The following BRINP2 variants were observed in gnomAD, a reference collection of about 807,000 sequenced individuals.
BRINP2 encodes BMP/retinoic acid-inducible neural-specific protein 2.
In BRINP2, 21 loss-of-function variants were observed where a neutral mutation model predicts 69.2. That is an observed-to-expected ratio of 0.30 (90% CI 0.22 to 0.44). BRINP2 has a LOEUF of 0.44. Ranked by LOEUF, BRINP2 falls within the 20% of genes least tolerant of loss-of-function variation. The probability of loss-of-function intolerance (pLI) is 1.00; values close to 1 mark genes in which losing one functional copy is unlikely to be tolerated. For synonymous variants in BRINP2, 380 were observed against 394.1 expected (o/e 0.96, Z 0.42); for missense variants, 877 against 986.0 (o/e 0.89, Z 1.48).
intron 1 of BRINP2, among the ~76,000 whole-genome samples, chr1:177,223,028 A>T (rs1263428771): frequency 6.6e-6 from 1 of 152,232 alleles, no homozygotes; most frequent in Non-Finnish European, 1.5e-5. Flanking sequence ...CAGCAGTGCC[A>T]TCTTTCTATT....
At chr1:177,187,254 C>A (rs762595735) in intron 1 of BRINP2, among the ~76,000 whole-genome samples, 66 of 152,168 alleles carry the variant, frequency 4.3e-4, no homozygotes, top group Admixed American at 5.9e-4. Context: ...CCCTGCCACA[C>A]CTAACAGAAA....
intron 1 of BRINP2, among the ~76,000 whole-genome samples, chr1:177,213,096 G>A (rs1480999871): frequency 6.6e-6 from 1 of 152,160 alleles, no homozygotes; most frequent in African/African-American, 2.4e-5. Context: ...TGTAATCTTT[G>A]ATCATTTGTT....
chr1:177,256,854 T>G, intron 3 of BRINP2: 10 of 1,180,562 alleles, frequency 8.5e-6, no homozygotes, highest in Non-Finnish European at 1.1e-5. Context: ...AGACTCCTCG[T>G]AAACAACTTG....
At chr1:177,217,869 A>G (rs1649422874) in intron 1 of BRINP2, among the ~76,000 whole-genome samples, 1 of 152,212 alleles carries the variant, frequency 6.6e-6, no homozygotes, top group African/African-American at 2.4e-5. Flanking sequence ...GGATGCTGCA[A>G]TCACATCTTG....
chr1:177,252,314 C>CTT (rs1383205944), intron 2 of BRINP2, among the ~76,000 whole-genome samples: 1 of 152,162 alleles, frequency 6.6e-6, no homozygotes, highest in Non-Finnish European at 1.5e-5. Flanking sequence ...ACCCGCTTTT[C>CTT]TTTGTTTCCC....
At chr1:177,271,371 G>T (rs972971772) in intron 4 of BRINP2, among the ~76,000 whole-genome samples, 1 of 152,140 alleles carries the variant, frequency 6.6e-6, no homozygotes, top group African/African-American at 2.4e-5. Flanking sequence ...TGGGTGGACT[G>T]GTCTGTTTAG....
At chr1:177,182,132 C>T (rs1313562178) in intron 1 of BRINP2, among the ~76,000 whole-genome samples, 1 of 145,240 alleles carries the variant, frequency 6.9e-6, no homozygotes, top group African/African-American at 2.6e-5. Flanking sequence ...CCACCCCTCC[C>T]ATCCTCCCTG....
At position 177,273,575 on chromosome 1, in the gene BRINP2, A is replaced by G; in HGVS notation, c.757A>G (p.Asn253Asp). The G allele has an allele frequency of 6.3e-7, 1 of 1,594,016 alleles. No individual in the cohort carries two copies. Among genetic ancestry groups the G allele is most frequent in the Non-Finnish European group, 8.6e-7 (1 of 1,169,432 alleles). Residue 253 changes from asparagine (N) to aspartate (D), a missense_variant, in exon 5 of 8, where the codon AAC becomes GAC. Around this residue, in one of 3 missense-constraint regions of BRINP2, gnomAD observed 566 missense variants for 625.2 expected, o/e 0.91. Transcript: ENST00000361539. ...TTCTGTCTTGGTACAGAGTCCAGAG[A>G]ACAAAGTACAGTTACTTGGTAAGCA... ...VSSVLVQSPE[N>D]KVQLLGLQVL...
Position 177,171,523 on chromosome 1 carries a change from A to T in BRINP2, c.-286A>T, listed in dbSNP as rs1403116883. ...GCGGGGAGCAAGAGAATTTGAAAAG[A>T]GACATCCGCTCCCTCTCACACGCTG... is the stretch of plus-strand genomic sequence containing the variant. On this transcript the variant is annotated 5_prime_UTR_variant, in exon 1 of 8. Transcript: ENST00000361539. 1 of 155,780 alleles carries T rather than the reference A, an allele frequency of 6.4e-6. No individual in the cohort carries two copies. The highest frequency in any genetic ancestry group is 2.4e-5 in the African/African-American group (1 of 41,488). The allele number at this position is 155,780 out of a possible 1,614,324, so 9.6% of individuals were successfully genotyped here.
At chr1:177,177,309 C>A (rs527942849) in intron 1 of BRINP2, among the ~76,000 whole-genome samples, 1 of 152,018 alleles carries the variant, frequency 6.6e-6, no homozygotes, top group African/African-American at 2.4e-5. Flanking sequence ...ACAACAACAA[C>A]AACAACAACA....
At position 177,281,603 on chromosome 1, in the gene BRINP2, C is replaced by T; in HGVS notation, c.*75C>T. ...GTACAAAGATAATCTAAGCCCTCAC[C>T]TTAGTGCCAACAGGGTGTGCTCCCA... On this transcript the variant is annotated 3_prime_UTR_variant, in exon 8 of 8. Coordinates refer to ENST00000361539, the MANE Select transcript of BRINP2 (RefSeq NM_021165.4). 6.7e-7 allele frequency: 1 copy of T among 1,492,942 alleles called. No homozygotes were observed. Among genetic ancestry groups the T allele is most frequent in the South Asian group, 1.3e-5 (1 of 75,076 alleles). 92.5% of individuals were successfully genotyped at this position (1,492,942 alleles called of 1,614,324 possible). A position where few individuals can be genotyped will look rare whatever the true frequency, so the allele number is the denominator to read the frequency against.
chr1:177,191,250 G>A (rs190598193), intron 1 of BRINP2, among the ~76,000 whole-genome samples: 1 of 152,206 alleles, frequency 6.6e-6, no homozygotes, highest in Non-Finnish European at 1.5e-5. Flanking sequence ...CTAAGTCTTG[G>A]TTTGGGAGTG....
intron 1 of BRINP2, among the ~76,000 whole-genome samples, chr1:177,211,874 T>C (rs911561619): frequency 1.3e-5 from 2 of 152,224 alleles, no homozygotes; most frequent in African/African-American, 4.8e-5. Context: ...TGGCAGTGAT[T>C]TATGTTTCTT....
chr1:177,184,800 C>A (rs1648380732), intron 1 of BRINP2, among the ~76,000 whole-genome samples: 1 of 152,026 alleles, frequency 6.6e-6, no homozygotes, highest in Admixed American at 6.6e-5. Context: ...ATATGGGTTA[C>A]TAGAAAGTTA....
chr1:177,188,504 G>T (rs908633307), intron 1 of BRINP2, among the ~76,000 whole-genome samples: 2 of 152,186 alleles, frequency 1.3e-5, no homozygotes, highest in Non-Finnish European at 2.9e-5. Flanking sequence ...GATTAAATGG[G>T]ATGGTCAGGG....
chr1:177,263,386 T>A (rs752897327), intron 4 of BRINP2, among the ~76,000 whole-genome samples: 2 of 152,108 alleles, frequency 1.3e-5, no homozygotes, highest in Admixed American at 6.5e-5. Context: ...AAGAGTCCAG[T>A]GGTTCTGGCT....
chr1:177,237,080 G>A (rs926593247), intron 2 of BRINP2, among the ~76,000 whole-genome samples: 3 of 152,158 alleles, frequency 2.0e-5, no homozygotes, highest in Non-Finnish European at 4.4e-5. Flanking sequence ...CTCAACTGGT[G>A]AGGAGATGGT....
intron 4 of BRINP2, among the ~76,000 whole-genome samples, chr1:177,267,798 G>A (rs1651174831): frequency 6.6e-6 from 1 of 152,156 alleles, no homozygotes; most frequent in Non-Finnish European, 1.5e-5. Context: ...TTTTTATAGT[G>A]CCTATTAATG....
chr1:177,181,607 C>T (rs1488557264), intron 1 of BRINP2, among the ~76,000 whole-genome samples: 1 of 152,198 alleles, frequency 6.6e-6, no homozygotes, highest in Non-Finnish European at 1.5e-5. Flanking sequence ...TAACTAAGCA[C>T]GCAGTGAGGA....
Sources: allele counts gnomAD v4.1 joint callset (sites outside exome capture counted in the v4.1 genomes callset), GRCh38; gene constraint gnomAD v4.1.1; regional missense constraint gnomAD v4.1.1; transcripts MANE v1.5; gene names NCBI Gene and HGNC (gene_info 2026-07-23, HGNC 2026-07-21).